Variants in WASHC3 observed in about 807,000 individuals in gnomAD.
WASHC3 encodes WASH complex subunit 3.
WASHC3 carries 24 observed loss-of-function variants against 26.1 expected under a neutral mutation model. That is an observed-to-expected ratio of 0.92 (90% CI 0.66 to 1.29). WASHC3 has a LOEUF of 1.29. Ranked by LOEUF, WASHC3 falls within the 50% of genes most tolerant of loss-of-function variation. WASHC3 has a pLI of 0.00. For synonymous variants in WASHC3, 77 were observed against 75.7 expected (o/e 1.02, Z -0.09); for missense variants, 214 against 229.6 (o/e 0.93, Z 0.44).
rs970434387 is a variant in WASHC3 at position 102,058,471 on chromosome 12, A to T, written c.150+2777T>A. Among the ~76,000 whole-genome samples the T allele has an allele frequency of 6.6e-5, 10 of 152,230 alleles. No homozygotes were observed. The East Asian group carries it at 1.9e-3, about 29-fold the overall frequency. The stretch of plus-strand genomic sequence containing the variant: ...TCTGGATTTTAAATTATTTTTTAAA[A>T]ATTATTTTAAAAGACTACGAAGCTT... On this transcript the variant is annotated intron_variant, in intron 2 of 6. Coordinates refer to ENST00000240079, the MANE Select transcript of WASHC3 (RefSeq NM_016053.4).
chr12:102,059,817 C>T (rs1878732873), intron 2 of WASHC3: 1 of 152,128 alleles, frequency 6.6e-6, no homozygotes. Context: ...AGGGTGAAAA[C>T]CTTGGCTTAC....
intron 5 of WASHC3, among the ~76,000 whole-genome samples, chr12:102,036,383 A>T (rs1877661459): frequency 6.6e-6 from 1 of 151,474 alleles, no homozygotes; most frequent in Non-Finnish European, 1.5e-5. Flanking sequence ...AAAAAAAAAA[A>T]TCCAATTCAG....
chr12:102,047,385 C>T (rs901359032), intron 2 of WASHC3, among the ~76,000 whole-genome samples: 9 of 152,190 alleles, frequency 5.9e-5, no homozygotes, highest in Non-Finnish European at 1.2e-4. Flanking sequence ...TTACAGATCA[C>T]TTATTTTTAG....
At chr12:102,037,558 A>C (rs957479847) in intron 5 of WASHC3, among the ~76,000 whole-genome samples, 8 of 152,274 alleles carry the variant, frequency 5.3e-5, no homozygotes, top group Admixed American at 6.5e-5. Flanking sequence ...AGCTGAAGCA[A>C]AGGCCCTGAG....
intron 5 of WASHC3, among the ~76,000 whole-genome samples, chr12:102,031,575 A>C (rs146252526): frequency 6.6e-6 from 1 of 152,282 alleles, no homozygotes; most frequent in Non-Finnish European, 1.5e-5. Flanking sequence ...ATAAATGTTC[A>C]TTTGTATCTT....
chr12:102,025,399 T>C (rs1015779047), intron 6 of WASHC3, among the ~76,000 whole-genome samples: 2 of 152,104 alleles, frequency 1.3e-5, no homozygotes, highest in Non-Finnish European at 2.9e-5. Context: ...AAATATTTTA[T>C]AAAATTCACA....
chr12:102,015,416 T>C (rs1225544169), intron 6 of WASHC3, among the ~76,000 whole-genome samples: 1 of 152,254 alleles, frequency 6.6e-6, no homozygotes, highest in Non-Finnish European at 1.5e-5. Flanking sequence ...TAACTAAGAA[T>C]ATAGGCTCTG....
chr12:102,055,525 T>C (rs1325575294), intron 2 of WASHC3, among the ~76,000 whole-genome samples: 1 of 152,222 alleles, frequency 6.6e-6, no homozygotes, highest in Non-Finnish European at 1.5e-5. Context: ...TTTGTATTTT[T>C]AGTAGAGACA....
intron 5 of WASHC3, among the ~76,000 whole-genome samples, chr12:102,026,885 G>A (rs144914010): frequency 1.9e-4 from 29 of 152,074 alleles, no homozygotes; most frequent in Non-Finnish European, 3.8e-4. Flanking sequence ...CTCCTTAAAG[G>A]AGGCAGGGTC....
intron 6 of WASHC3, among the ~76,000 whole-genome samples, chr12:102,021,537 C>T (rs183196247): frequency 5.9e-5 from 9 of 152,278 alleles, no homozygotes; most frequent in Admixed American, 2.6e-4. Flanking sequence ...AGACCAATTA[C>T]AATTTTTTGA....
chr12:102,019,711 TAACAA>T, intron 6 of WASHC3, among the ~76,000 whole-genome samples: 1 of 152,316 alleles, frequency 6.6e-6, no homozygotes, highest in Admixed American at 6.5e-5. Context: ...GTAAAATTCT[TAACAA>T]AAGCAAATTT....
At chr12:102,033,882 C>A (rs1404157654) in intron 5 of WASHC3, among the ~76,000 whole-genome samples, 2 of 151,892 alleles carry the variant, frequency 1.3e-5, no homozygotes, top group African/African-American at 4.8e-5. Context: ...CAAGGTCATA[C>A]TAATGGACAA....
chr12:102,061,881 C>T (rs1340086717), intron 1 of WASHC3, 31 bp downstream of exon 1: 4 of 1,565,244 alleles, frequency 2.6e-6, no homozygotes, highest in Admixed American at 1.8e-5. Flanking sequence ...CCTCCCGGCT[C>T]GTCGGGAGTC....
At chr12:102,036,553 C>T (rs1877671680) in intron 5 of WASHC3, among the ~76,000 whole-genome samples, 1 of 152,004 alleles carries the variant, frequency 6.6e-6, no homozygotes, top group African/African-American at 2.4e-5. Context: ...AAAATCACCC[C>T]TAAACAATTC....
chr12:102,049,614 GAAAC>G (rs1878308248), intron 2 of WASHC3, among the ~76,000 whole-genome samples: 1 of 152,110 alleles, frequency 6.6e-6, no homozygotes, highest in Non-Finnish European at 1.5e-5. Flanking sequence ...GTTGAATATG[GAAAC>G]AAAATAAAAT....
chr12:102,013,400 A>G (rs1876565937), intron 6 of WASHC3, among the ~76,000 whole-genome samples: 1 of 152,168 alleles, frequency 6.6e-6, no homozygotes, highest in Non-Finnish European at 1.5e-5. Context: ...AGGCCGCGAC[A>G]GTATTTTCTC....
intron 6 of WASHC3, among the ~76,000 whole-genome samples, chr12:102,024,683 A>G (rs1047116591): frequency 6.6e-6 from 1 of 152,230 alleles, no homozygotes; most frequent in Non-Finnish European, 1.5e-5. Context: ...CTAGAAAAAG[A>G]TAATCATTTT....
chr12:102,046,630 C>G (rs1232626612), intron 2 of WASHC3, among the ~76,000 whole-genome samples: 1 of 152,004 alleles, frequency 6.6e-6, no homozygotes, highest in Non-Finnish European at 1.5e-5. Flanking sequence ...TCACTTATAA[C>G]AAAGTTGACA....
Position 102,013,069 on chromosome 12 carries a change from C to A in WASHC3, c.*39G>T, listed in dbSNP as rs749475966. On this transcript the variant is annotated 3_prime_UTR_variant, in exon 7 of 7. Transcript: ENST00000240079. Reference sequence around the variant, plus strand: ...CAATCTCTTACAGAATGTAAATGTACCCCTATGCATGCATATGTAATTCTT... The same window carrying A: ...CAATCTCTTACAGAATGTAAATGTAACCCTATGCATGCATATGTAATTCTT... 1.2e-6 allele frequency: 1 copy of A among 867,828 alleles called. No homozygotes were observed. Among genetic ancestry groups the A allele is most frequent in the South Asian group, 1.5e-5 (1 of 66,808 alleles). The allele number at this position is 867,828 out of a possible 1,614,324, so 53.8% of individuals were successfully genotyped here. A position where few individuals can be genotyped will look rare whatever the true frequency, so the allele number is the denominator to read the frequency against.
Sources: gnomAD v4.1 joint callset for allele counts (sites outside exome capture counted in the v4.1 genomes callset) on GRCh38, gnomAD v4.1.1 for gene constraint, MANE v1.5 for transcripts, NCBI Gene and HGNC (gene_info 2026-07-23, HGNC 2026-07-21) for gene names.